MAN1C1: variants seen among roughly 807,000 people sequenced by gnomAD.
The protein encoded by MAN1C1 is mannosidase alpha class 1C member 1, also known as mannosyl-oligosaccharide 1,2-alpha-mannosidase IC.
Under a neutral mutation model 71.5 loss-of-function variants are expected in MAN1C1, and 49 were observed. The observed-to-expected ratio is 0.69, with a 90% CI of 0.54 to 0.87. MAN1C1 has a LOEUF of 0.87. Ranked by LOEUF, MAN1C1 falls within the 40% of genes least tolerant of loss-of-function variation. The pLI is 0.00. For missense variants in MAN1C1, 743 were observed against 835.0 expected, an observed-to-expected ratio of 0.89 and a Z score of 1.36; for synonymous variants, 352 against 343.7, an observed-to-expected ratio of 1.02 and a Z score of -0.27.
rs2047623341 is a variant in MAN1C1, at chr1:25,776,699, A to G, written c.1258-1406A>G. ...CTAGCACAGCGCTGACACCAAGGAA[A>G]TATTACATGGCTGCCGAGATATTGT... On this transcript the variant is annotated intron_variant, in intron 8 of 11. Transcript: ENST00000374332. This position sits in a 1 kb window ranked among gnomAD's most constrained non-coding sequence, Gnocchi z 4.3. 6.6e-6 allele frequency among the ~76,000 whole-genome samples: 1 copy of G among 152,178 alleles called. No individual in the cohort carries two copies. Among genetic ancestry groups the G allele is most frequent in the African/African-American group, 2.4e-5 (1 of 41,442 alleles).
Position 25,725,719 on chromosome 1 carries a change from T to A in MAN1C1, c.638-20949T>A, listed in dbSNP as rs529696894. On this transcript the variant is annotated intron_variant, in intron 2 of 11. Transcript: ENST00000374332. This position sits in a 1 kb window ranked among gnomAD's most constrained non-coding sequence, Gnocchi z 4.8. ...CTCCCACTTTGCCCTCTAGATGGCA[T>A]TATTAAGGATTCTCTCCCAGTGTTT... is the stretch of plus-strand genomic sequence containing the variant. Among the ~76,000 whole-genome samples the A allele has an allele frequency of 1.3e-5, 2 of 152,310 alleles. No homozygotes were observed. Among genetic ancestry groups the A allele is most frequent in the East Asian group, 3.9e-4 (2 of 5,192 alleles).
At chr1:25,781,543 G>C (rs921648891) in intron 10 of MAN1C1, among the ~76,000 whole-genome samples, 1 of 152,102 alleles carries the variant, frequency 6.6e-6, no homozygotes, top group African/African-American at 2.4e-5. Context: ...CCCCACCCTA[G>C]TCTCTACTGG....
intron 2 of MAN1C1, among the ~76,000 whole-genome samples, chr1:25,743,478 C>T (rs892178407): frequency 1.3e-5 from 2 of 152,214 alleles, no homozygotes; most frequent in African/African-American, 2.4e-5. Context: ...TCCTGCCCAG[C>T]CTGACCGCTG....
intron 2 of MAN1C1, among the ~76,000 whole-genome samples, chr1:25,740,441 T>C (rs2047045805): frequency 6.6e-6 from 1 of 152,002 alleles, no homozygotes; most frequent in African/African-American, 2.4e-5. Flanking sequence ...GTTGTTGTTG[T>C]TGTCGTTGTT....
At chr1:25,699,351 T>C (rs909650541) in intron 2 of MAN1C1, among the ~76,000 whole-genome samples, 5 of 148,632 alleles carry the variant, frequency 3.4e-5, no homozygotes, top group African/African-American at 1.2e-4. Context: ...GAGAGAGGGA[T>C]TATGGCACAG....
At chr1:25,739,932 G>C (rs3014703) in intron 2 of MAN1C1, among the ~76,000 whole-genome samples, 5,228 of 152,212 alleles carry the variant, frequency 0.034, 309 homozygotes, top group African/African-American at 0.12. Flanking sequence ...TTGTGAATGC[G>C]CCACAGCCCC....
intron 2 of MAN1C1, among the ~76,000 whole-genome samples, chr1:25,724,602 T>G (rs532589206): frequency 6.6e-6 from 1 of 151,726 alleles, no homozygotes; most frequent in East Asian, 1.9e-4. Context: ...AGGAAGAGAG[T>G]GGGGAGAGGC....
intron 1 of MAN1C1, among the ~76,000 whole-genome samples, chr1:25,632,836 G>A (rs956704709): frequency 7.3e-5 from 11 of 151,266 alleles, no homozygotes; most frequent in African/African-American, 1.7e-4. Flanking sequence ...ATTCCACTGC[G>A]GTCTGAGAAG....
At chr1:25,657,918 G>A (rs1192489832) in intron 1 of MAN1C1, among the ~76,000 whole-genome samples, 1 of 152,172 alleles carries the variant, frequency 6.6e-6, no homozygotes, top group Non-Finnish European at 1.5e-5. Context: ...TGGATGGAAG[G>A]AAGTGGATGG....
At chr1:25,783,567 T>C (rs1572218746) in intron 11 of MAN1C1, 96 bp from the exon 12 acceptor site, 2 of 1,414,550 alleles carry the variant, frequency 1.4e-6, no homozygotes, top group East Asian at 4.6e-5. Flanking sequence ...ACCATAGGCC[T>C]ATCACAAAGG....
chr1:25,730,033 AGAAAG>A lies in MAN1C1; in HGVS notation c.638-16634_638-16630del, dbSNP rs1174336631. On this transcript the variant is annotated intron_variant, in intron 2 of 11. Transcript: ENST00000374332. The surrounding 1 kb of genome is among the most constrained non-coding windows in gnomAD (Gnocchi z 4.3). The stretch of plus-strand genomic sequence containing the variant: ...TGGGAAATTGCTTACTGTCTTTCTG[AGAAAG>A]CAGCTGCAGCCTCCGTAAGGACAGA... Among the ~76,000 whole-genome samples, 1 of 152,186 alleles carries A rather than the reference AGAAAG, an allele frequency of 6.6e-6. No individual in the cohort carries two copies. The highest frequency in any genetic ancestry group is 1.9e-4 in the East Asian group (1 of 5,198).
At chr1:25,760,632 A>G (rs2047347862) in intron 6 of MAN1C1, 1 of 152,216 alleles carries the variant, frequency 6.6e-6, no homozygotes, top group South Asian at 2.1e-4. Context: ...GACTTCGTTA[A>G]CATAAATGGA....
intron 8 of MAN1C1, among the ~76,000 whole-genome samples, 197 bp from the exon 9 acceptor site, chr1:25,777,908 A>G (rs1241855544): frequency 6.6e-6 from 1 of 152,212 alleles, no homozygotes; most frequent in East Asian, 1.9e-4. Flanking sequence ...TGAGCCTCCC[A>G]GCGAATAGCA....
At chr1:25,765,642 G>A (rs2047417628) in intron 7 of MAN1C1, among the ~76,000 whole-genome samples, 1 of 152,208 alleles carries the variant, frequency 6.6e-6, no homozygotes, top group Non-Finnish European at 1.5e-5. Flanking sequence ...AGGAAGAATG[G>A]TCAAAGGCTG....
intron 2 of MAN1C1, among the ~76,000 whole-genome samples, chr1:25,731,003 A>G (rs1461068335): frequency 2.0e-5 from 3 of 152,116 alleles, no homozygotes; most frequent in Non-Finnish European, 4.4e-5. Flanking sequence ...TGCTTCCCCC[A>G]CAATCGCTGC....
chr1:25,644,791 G>T lies in MAN1C1; in HGVS notation c.540+26454G>T, dbSNP rs1201949936. On this transcript the variant is annotated intron_variant, in intron 1 of 11. Transcript: ENST00000374332. The stretch of plus-strand genomic sequence containing the variant: ...CCTGCCTCAGCCTCCCAAAGTGCTG[G>T]GATTACAGGCATGCGCCACCACGCC... 4 of 152,162 alleles carry T rather than the reference G, an allele frequency of 2.6e-5. 1 individual carries two copies. Among genetic ancestry groups the T allele is most frequent in the Admixed American group, 1.3e-4 (2 of 15,254 alleles). The allele number at this position is 152,162 out of a possible 1,614,324, so 9.4% of individuals were successfully genotyped here. A position where few individuals can be genotyped will look rare whatever the true frequency, so the allele number is the denominator to read the frequency against.
At chr1:25,623,632 T>G (rs1298364893) in intron 1 of MAN1C1, among the ~76,000 whole-genome samples, 1 of 152,188 alleles carries the variant, frequency 6.6e-6, no homozygotes, top group African/African-American at 2.4e-5. Flanking sequence ...TCTTTTCTCT[T>G]ATTGAAAAAA....
chr1:25,752,231 C>A (rs890018602), intron 4 of MAN1C1, among the ~76,000 whole-genome samples: 1 of 152,136 alleles, frequency 6.6e-6, no homozygotes, highest in Non-Finnish European at 1.5e-5. Context: ...TCCACAAAGA[C>A]CCCTGCAGCA....
rs577475081 is a variant in MAN1C1 at position 25,636,687 on chromosome 1, A to C, written c.540+18350A>C. Among the ~76,000 whole-genome samples the C allele has an allele frequency of 5.9e-5, 9 of 152,352 alleles. 1 individual carries two copies. In the South Asian group the frequency reaches 1.9e-3, roughly 32 times the overall value. ...TAAGACAATTATCACAGTGGTCCTG[A>C]GGTGACGTACATCCTCAGCCTATGA... On this transcript the variant is annotated intron_variant, in intron 1 of 11. Transcript: ENST00000374332.
Sources: allele counts gnomAD v4.1 joint callset (sites outside exome capture counted in the v4.1 genomes callset), GRCh38; gene constraint gnomAD v4.1.1; non-coding constraint Gnocchi (gnomAD v3.1); transcripts MANE v1.5; gene names NCBI Gene and HGNC (gene_info 2026-07-23, HGNC 2026-07-21).